The following JMJD1C variants were observed in gnomAD, a reference collection of about 807,000 sequenced individuals.
The protein encoded by JMJD1C is jumonji domain-containing protein 1C.
Under a neutral mutation model 245.3 loss-of-function variants are expected in JMJD1C, and 31 were observed. The ratio of observed to expected loss-of-function variants is 0.13; its 90% CI spans 0.09 to 0.17. The LOEUF is 0.17. Ranked by LOEUF, JMJD1C falls within the 10% of genes least tolerant of loss-of-function variation. The pLI is 1.00. For missense variants in JMJD1C, 2,691 were observed against 3,000.2 expected (o/e 0.90, Z 2.41); for synonymous variants, 1,057 against 1,017.4 (o/e 1.04, Z -0.74).
At position 63,264,651 on chromosome 10, in the gene JMJD1C, C is replaced by A; in HGVS notation, c.447G>T (p.Gln149His). ...LTEDSAFQPY[Q>H]DDIDSLNPVL... Reference sequence around the variant, plus strand: ...TAAAAAGTAATCTAAAATTTCTTACCTGGTAGGGCTGAAAGGCACTATCTT... The same window carrying A: ...TAAAAAGTAATCTAAAATTTCTTACATGGTAGGGCTGAAAGGCACTATCTT... Residue 149 changes from glutamine to histidine, a missense_variant and splice_region_variant, in exon 3 of 26, where the codon CAG becomes CAT. By Grantham distance (24) the Gln-to-His change is conservative. Coordinates refer to ENST00000399262, the MANE Select transcript of JMJD1C (RefSeq NM_032776.3). 7.3e-7 allele frequency: 1 copy of A among 1,379,116 alleles called. No homozygotes were observed. Among genetic ancestry groups the A allele is most frequent in the South Asian group, 1.3e-5 (1 of 74,928 alleles). 85.4% of individuals were successfully genotyped at this position (1,379,116 alleles called of 1,614,324 possible).
intron 1 of JMJD1C, among the ~76,000 whole-genome samples, chr10:63,432,595 CCTG>C (rs1317004329): frequency 5.9e-5 from 9 of 152,318 alleles, no homozygotes; most frequent in African/African-American, 2.2e-4. Flanking sequence ...CTTCAACAGC[CCTG>C]GCATCCTTAA....
intron 8 of JMJD1C, among the ~76,000 whole-genome samples, chr10:63,213,268 C>T (rs1049309385): frequency 6.6e-6 from 1 of 151,328 alleles, no homozygotes; most frequent in African/African-American, 2.4e-5. Flanking sequence ...AGTTTTACTT[C>T]TTTAAATTAA....
intron 1 of JMJD1C, among the ~76,000 whole-genome samples, chr10:63,433,489 C>T (rs76773451): frequency 0.037 from 5,608 of 152,062 alleles, 330 homozygotes; most frequent in East Asian, 0.29. Context: ...AATTCAATTA[C>T]GTCATTCACA....
At chr10:63,469,059 CTTAGT>C (rs1159099915), upstream of JMJD1C, among the ~76,000 whole-genome samples, 1 of 152,170 alleles carries the variant, frequency 6.6e-6, no homozygotes, top group Non-Finnish European at 1.5e-5. Context: ...TAATTATCTA[CTTAGT>C]TTAGTCTGAA....
intron 2 of JMJD1C, among the ~76,000 whole-genome samples, chr10:63,349,245 C>T (rs1245973206): frequency 1.3e-5 from 2 of 151,972 alleles, no homozygotes; most frequent in African/African-American, 4.8e-5. Flanking sequence ...GTCTGCACAA[C>T]CATGAGCCAA....
intron 2 of JMJD1C, among the ~76,000 whole-genome samples, chr10:63,289,771 ATATAC>A (rs1343076790): frequency 6.6e-6 from 1 of 152,192 alleles, no homozygotes; most frequent in African/African-American, 2.4e-5. Context: ...GTGCAGTAGT[ATATAC>A]TATAACAAGA....
At chr10:63,488,946 G>A (rs1200031852) in intron 1 of JMJD1C, among the ~76,000 whole-genome samples, 1 of 152,124 alleles carries the variant, frequency 6.6e-6, no homozygotes, top group Non-Finnish European at 1.5e-5. Flanking sequence ...AATGACAGAT[G>A]GCATATAGGA....
intron 2 of JMJD1C, among the ~76,000 whole-genome samples, chr10:63,288,795 C>T (rs1206237830): frequency 2.0e-5 from 3 of 151,808 alleles, no homozygotes; most frequent in African/African-American, 7.3e-5. Context: ...ATAAGAATTG[C>T]TTGAACCCGG....
intron 1 of JMJD1C, among the ~76,000 whole-genome samples, chr10:63,473,684 A>T (rs1953565681): frequency 6.6e-6 from 1 of 152,180 alleles, no homozygotes; most frequent in African/African-American, 2.4e-5. Context: ...TCGCTACTTA[A>T]ATCATTTATG....
At chr10:63,481,912 G>C (rs1234792226) in intron 1 of JMJD1C, among the ~76,000 whole-genome samples, 1 of 152,204 alleles carries the variant, frequency 6.6e-6, no homozygotes, top group Admixed American at 6.5e-5. Flanking sequence ...TGCATGGAGA[G>C]GGAGGGAAAT....
intron 2 of JMJD1C, among the ~76,000 whole-genome samples, chr10:63,359,264 C>T (rs1564830550): frequency 6.6e-6 from 1 of 152,252 alleles, no homozygotes; most frequent in East Asian, 1.9e-4. Context: ...ACCATTTCTA[C>T]ATTCACAACT....
intron 2 of JMJD1C, among the ~76,000 whole-genome samples, chr10:63,326,617 C>T (rs1388163191): frequency 6.6e-6 from 1 of 151,894 alleles, no homozygotes; most frequent in Non-Finnish European, 1.5e-5. Flanking sequence ...CAGTGGCTCA[C>T]GCGTGTAATC....
chr10:63,329,171 A>G (rs1170305842), intron 2 of JMJD1C, among the ~76,000 whole-genome samples: 2 of 151,852 alleles, frequency 1.3e-5, no homozygotes, highest in African/African-American at 4.8e-5. Flanking sequence ...AATCCCAGCT[A>G]CTCAGGAGAC....
intron 1 of JMJD1C, among the ~76,000 whole-genome samples, chr10:63,448,872 C>CT (rs1311497606): frequency 6.6e-6 from 1 of 152,196 alleles, no homozygotes; most frequent in African/African-American, 2.4e-5. Flanking sequence ...AATCCCAGCA[C>CT]TTTGGAGGCA....
intron 13 of JMJD1C, among the ~76,000 whole-genome samples, chr10:63,195,386 T>C (rs1845345989): frequency 6.6e-6 from 1 of 151,852 alleles, no homozygotes; most frequent in Non-Finnish European, 1.5e-5. Context: ...AACTATTGTT[T>C]CATAAAAATA....
At chr10:63,350,110 T>C (rs1944220487) in intron 2 of JMJD1C, among the ~76,000 whole-genome samples, 2 of 152,206 alleles carry the variant, frequency 1.3e-5, no homozygotes, top group South Asian at 4.1e-4. Context: ...TTCTCACTTC[T>C]CTATCAATGG....
At chr10:63,344,898 T>C (rs1234690419) in intron 2 of JMJD1C, among the ~76,000 whole-genome samples, 2 of 152,146 alleles carry the variant, frequency 1.3e-5, no homozygotes, top group Non-Finnish European at 2.9e-5. Context: ...AGGATGCAGA[T>C]CAACTGGAAC....
intron 1 of JMJD1C, among the ~76,000 whole-genome samples, chr10:63,428,643 C>T (rs17740989): frequency 0.2 from 30,659 of 151,896 alleles, 4,064 homozygotes; most frequent in Non-Finnish European, 0.29. Context: ...TCGTGATTAC[C>T]TCACCAGTTA....
In JMJD1C at chr10:63,295,957, ATATGTGTGTGTGTGTG is replaced by A. The variant is rs1171506289; in HGVS notation, c.334-31209_334-31194del. ...TGTATACATATATATATATACACGT[ATATGTGTGTGTGTGTG>A]TGTGTGTGTGTGTGTGTGTGTGTGT... On this transcript the variant is annotated intron_variant, in intron 2 of 25. Transcript: ENST00000399262. 5.0e-3 allele frequency among the ~76,000 whole-genome samples: 477 copies of A among 94,534 alleles called. 16 individuals carry two copies. Among genetic ancestry groups the A allele is most frequent in the African/African-American group, 0.02 (460 of 22,692 alleles). 62.0% of individuals were successfully genotyped at this position (94,534 alleles called of 152,430 possible).
Sources: allele counts gnomAD v4.1 joint callset (sites outside exome capture counted in the v4.1 genomes callset), GRCh38; gene constraint gnomAD v4.1.1; transcripts MANE v1.5; gene names NCBI Gene and HGNC (gene_info 2026-07-23, HGNC 2026-07-21).